ICE1: variants seen among roughly 807,000 people sequenced by gnomAD.
The protein encoded by ICE1 is little elongation complex subunit 1.
ICE1 carries 64 observed loss-of-function variants against 192.7 expected under a neutral mutation model. That is an observed-to-expected ratio of 0.33 (90% CI 0.27 to 0.41). The LOEUF is 0.41. Among genes scored for constraint, ICE1 ranks in the 10% least tolerant of loss-of-function variants. The probability of loss-of-function intolerance (pLI) is 1.00; values close to 1 mark genes in which losing one functional copy is unlikely to be tolerated. For missense variants in ICE1, 2,708 were observed against 2,696.0 expected (o/e 1.00, Z -0.10); for synonymous variants, 1,010 against 984.5 (o/e 1.03, Z -0.49).
At chr5:5,484,234 C>T (rs1315749217) in intron 17 of ICE1, among the ~76,000 whole-genome samples, 2 of 152,194 alleles carry the variant, frequency 1.3e-5, no homozygotes, top group Non-Finnish European at 2.9e-5. Context: ...ATGATTTCCT[C>T]TTATTTTACT....
At chr5:5,438,571 T>A (rs1381841270) in intron 3 of ICE1, among the ~76,000 whole-genome samples, 1 of 152,214 alleles carries the variant, frequency 6.6e-6, no homozygotes, top group South Asian at 2.1e-4. Flanking sequence ...GAAACAATTA[T>A]CACAACTTTT....
In ICE1 at chr5:5,457,749, T is replaced by C. The variant is rs756832517; in HGVS notation, c.1101+8T>C. The C allele has an allele frequency of 1.3e-5, 21 of 1,604,870 alleles. No homozygotes were observed. The African/African-American group carries it at 2.7e-4, about 20-fold the overall frequency. Reference sequence around the variant, plus strand: ...CCGTCTTCATTTGCACCTGTGAGTTTTGCTCTCTGAATTTGAATTACCAAG... The same window carrying C: ...CCGTCTTCATTTGCACCTGTGAGTTCTGCTCTCTGAATTTGAATTACCAAG... On this transcript the variant is annotated splice_region_variant and intron_variant, in intron 12 of 18. Coordinates refer to ENST00000296564, the MANE Select transcript of ICE1 (RefSeq NM_015325.3).
At chr5:5,467,082 A>G (rs976311111) in intron 14 of ICE1, among the ~76,000 whole-genome samples, 7 of 152,178 alleles carry the variant, frequency 4.6e-5, no homozygotes, top group Non-Finnish European at 7.3e-5. Flanking sequence ...AGTGGTAAAC[A>G]TTTACCATCT....
At position 5,463,236 on chromosome 5, in the gene ICE1, A is replaced by C; in HGVS notation, c.3902A>C (p.Glu1301Ala). Residue 1301 changes from glutamate to alanine, a missense_variant, in exon 13 of 19, where the codon GAG (glutamate) becomes GCG (alanine). Coordinates refer to ENST00000296564, the MANE Select transcript of ICE1 (RefSeq NM_015325.3). ...NNNMTTENLK[E>A]KSPFRETTGS... Reference sequence around the variant, plus strand: ...AACATGACCACTGAGAATTTAAAAGAGAAAAGTCCATTTCGGGAAACGACT... The same window carrying C: ...AACATGACCACTGAGAATTTAAAAGCGAAAAGTCCATTTCGGGAAACGACT... The C allele has an allele frequency of 1.9e-6, 3 of 1,612,328 alleles. No homozygotes were observed. The highest frequency in any genetic ancestry group is 2.5e-6 in the Non-Finnish European group (3 of 1,179,372).
intron 14 of ICE1, among the ~76,000 whole-genome samples, chr5:5,466,869 A>G (rs1193388637): frequency 6.6e-6 from 1 of 152,198 alleles, no homozygotes; most frequent in Non-Finnish European, 1.5e-5. Flanking sequence ...TGGAATTGTA[A>G]GCTGATGAAA....
intron 15 of ICE1, 93 bp downstream of exon 15, chr5:5,469,081 A>T: frequency 1.2e-6 from 1 of 869,142 alleles, no homozygotes; most frequent in Non-Finnish European, 1.6e-6. Flanking sequence ...ATATTAGTTC[A>T]TAGGCATTTT....
chr5:5,442,276 G>A (rs1156752321), intron 5 of ICE1, among the ~76,000 whole-genome samples: 2 of 152,160 alleles, frequency 1.3e-5, no homozygotes, highest in African/African-American at 4.8e-5. Flanking sequence ...CTCTCTAGGC[G>A]CTTCTCACGG....
chr5:5,445,025 A>C (rs1481919211), intron 7 of ICE1, among the ~76,000 whole-genome samples: 3 of 152,208 alleles, frequency 2.0e-5, no homozygotes, highest in Non-Finnish European at 4.4e-5. Context: ...TCCATCCTGC[A>C]CACGATCTTC....
At chr5:5,476,900 G>A (rs1739331171) in intron 17 of ICE1, among the ~76,000 whole-genome samples, 1 of 152,128 alleles carries the variant, frequency 6.6e-6, no homozygotes, top group East Asian at 1.9e-4. Context: ...GCGAATTACA[G>A]AAATGAAATG....
rs756074115 is a variant in ICE1, at chr5:5,457,641, T to G, written c.1001T>G (p.Ile334Ser). Residue 334 changes from isoleucine to serine, a missense_variant, in exon 12 of 19, where the codon ATT (isoleucine) becomes AGT (serine). Transcript: ENST00000296564. ...HFFDEDLQAA[I>S]DFFKLPPPLL... Reference sequence around the variant, plus strand: ...TTTGATGAAGATCTTCAAGCTGCAATTGACTTCTTCAAACTTCCCCCTCCT... The same window carrying G: ...TTTGATGAAGATCTTCAAGCTGCAAGTGACTTCTTCAAACTTCCCCCTCCT... 13 of 1,613,986 alleles carry G rather than the reference T, an allele frequency of 8.1e-6. No homozygotes were observed. In the South Asian group the frequency reaches 1.2e-4, roughly 15 times the overall value.
chr5:5,435,550 T>C (rs1217633664), intron 1 of ICE1, among the ~76,000 whole-genome samples: 2 of 151,496 alleles, frequency 1.3e-5, no homozygotes, highest in Admixed American at 6.6e-5. Flanking sequence ...AAGAAGTTAA[T>C]GAAAAGAAAA....
chr5:5,465,675 TCTATATTTTCTAAATATCCA>T (rs1324718457), intron 13 of ICE1, among the ~76,000 whole-genome samples: 2 of 152,244 alleles, frequency 1.3e-5, no homozygotes, highest in African/African-American at 4.8e-5. Context: ...CTTTTATAGT[TCTATATTTTCTAAATATCCA>T]CTGGTACCTT....
Position 5,447,841 on chromosome 5 carries a change from A to G in ICE1, c.548A>G (p.Glu183Gly). ...DEFSKQKNEK[E>G]LRHIGTQISS... ...AACCGTTTTTTCCCCATGCTTTTAGAGTTGAGACATATTGGAACACAAATT... is the reference window on the plus strand; with the variant it reads ...AACCGTTTTTTCCCCATGCTTTTAGGGTTGAGACATATTGGAACACAAATT... Residue 183 changes from glutamate to glycine, a missense_variant and splice_region_variant, in exon 10 of 19, where the codon GAG becomes GGG. Glu to Gly is a moderately conservative substitution (Grantham distance 98, BLOSUM62 -2). Around this residue, in one of 2 missense-constraint regions of ICE1, gnomAD observed 2,366 missense variants for 2,276.6 expected, o/e 1.04. Transcript: ENST00000296564. The G allele has an allele frequency of 6.3e-7, 1 of 1,578,428 alleles. No individual in the cohort carries two copies. Among genetic ancestry groups the G allele is most frequent in the Non-Finnish European group, 8.6e-7 (1 of 1,159,692 alleles).
intron 10 of ICE1, among the ~76,000 whole-genome samples, chr5:5,452,162 C>CT (rs1738439591): frequency 1.4e-5 from 2 of 147,316 alleles, no homozygotes; most frequent in African/African-American, 2.5e-5. Flanking sequence ...TTGTTTGTTC[C>CT]ATTTTTTTTT....
At chr5:5,476,221 G>T in intron 17 of ICE1, 142 bp downstream of exon 17, 2 of 506,992 alleles carry the variant, frequency 3.9e-6, no homozygotes, top group South Asian at 3.3e-5. Context: ...TTGTACTTAA[G>T]TCATTCTCCT....
intron 10 of ICE1, 133 bp from the exon 11 acceptor site, chr5:5,454,419 A>G (rs528589842): frequency 2.0e-5 from 12 of 609,666 alleles, no homozygotes; most frequent in African/African-American, 1.3e-4. Context: ...ATTGTGCACA[A>G]TGGTTGAGTT....
At chr5:5,468,364 A>G (rs1037595315) in intron 14 of ICE1, among the ~76,000 whole-genome samples, 4 of 152,212 alleles carry the variant, frequency 2.6e-5, no homozygotes, top group African/African-American at 9.7e-5. Context: ...TGAACTTTAT[A>G]CTTTAAAAGA....
rs1369755999 is a variant in ICE1, at chr5:5,463,633, G to C, written c.4299G>C (p.Leu1433Phe). 6 of 1,613,840 alleles carry C rather than the reference G, an allele frequency of 3.7e-6. No homozygotes were observed. Among genetic ancestry groups the C allele is most frequent in the Non-Finnish European group, 5.1e-6 (6 of 1,179,888 alleles). Residue 1433 changes from leucine (L) to phenylalanine (F), a missense_variant, in exon 13 of 19, where the codon TTG (leucine) becomes TTC (phenylalanine). Transcript: ENST00000296564. ...NWTIISGVAV[L>F]PHVDQVTLCD... The stretch of plus-strand genomic sequence containing the variant: ...CAATCATCAGTGGTGTAGCTGTCTT[G>C]CCACATGTGGACCAGGTCACACTGT...
chr5:5,489,502 G>A lies in ICE1; in HGVS notation c.*172G>A, dbSNP rs780530859. 5.3e-6 allele frequency: 3 copies of A among 566,884 alleles called. No homozygotes were observed. The highest frequency in any genetic ancestry group is 3.0e-5 in the East Asian group (1 of 33,334). The allele number at this position is 566,884 out of a possible 1,614,324, so 35.1% of individuals were successfully genotyped here. ...AAGGAGACAGGAGAAACAAGCAGTC[G>A]CATAGTCGTTTTTCCCTAAATCTAA... On this transcript the variant is annotated 3_prime_UTR_variant, in exon 19 of 19. Coordinates refer to ENST00000296564, the MANE Select transcript of ICE1 (RefSeq NM_015325.3).
Sources: allele counts gnomAD v4.1 joint callset (sites outside exome capture counted in the v4.1 genomes callset), GRCh38; gene constraint gnomAD v4.1.1; regional missense constraint gnomAD v4.1.1; transcripts MANE v1.5; gene names NCBI Gene and HGNC (gene_info 2026-07-23, HGNC 2026-07-21).